The following SUMF1 variants were observed in gnomAD, a reference collection of about 807,000 sequenced individuals.
SUMF1 encodes the protein formylglycine-generating enzyme.
A neutral mutation model predicts 47.6 loss-of-function variants in SUMF1; 48 were observed. The observed-to-expected ratio is 1.01, with a 90% CI of 0.80 to 1.28. SUMF1 has a LOEUF of 1.28. Ranked by LOEUF, SUMF1 falls within the 50% of genes most tolerant of loss-of-function variation. The probability of loss-of-function intolerance (pLI) is 0.00; values close to 1 mark genes in which losing one functional copy is unlikely to be tolerated. For synonymous variants in SUMF1, 230 were observed against 192.1 expected (o/e 1.20, Z -1.63); for missense variants, 571 against 485.4 (o/e 1.18, Z -1.66).
intron 7 of SUMF1, among the ~76,000 whole-genome samples, chr3:4,389,664 T>C (rs1476368296): frequency 6.6e-6 from 1 of 152,198 alleles, no homozygotes; most frequent in Non-Finnish European, 1.5e-5. Context: ...ACTGTTTTCT[T>C]TCCACTGCTC....
Position 4,258,265 on chromosome 3 carries a change from A to T in SUMF1, c.1014+118065T>A, listed in dbSNP as rs1370284911. ...ACAAAAGACAAAATTGACAAATGGG[A>T]TCTAATTAAACTAAAGAGCTTCTGC... On this transcript the variant is annotated intron_variant and NMD_transcript_variant, in intron 8 of 12. Coordinates refer to the SUMF1 transcript ENST00000448413. Among the ~76,000 whole-genome samples, 16 of 148,680 alleles carry T rather than the reference A, an allele frequency of 1.1e-4. No individual in the cohort carries two copies. In the East Asian group the frequency reaches 2.9e-3, roughly 27 times the overall value.
chr3:4,215,922 T>C (rs1040527789), intron 8 of SUMF1, among the ~76,000 whole-genome samples: 1 of 152,188 alleles, frequency 6.6e-6, no homozygotes, highest in Non-Finnish European at 1.5e-5. Context: ...CATTCCATGC[T>C]CATGGATAGG....
In SUMF1 at chr3:4,340,032, C is replaced by G. The variant is rs778452532; in HGVS notation, c.1014+36298G>C. On this transcript the variant is annotated intron_variant and NMD_transcript_variant, in intron 8 of 12. Coordinates refer to the SUMF1 transcript ENST00000448413. ...GGTCGAGGTTGTAGTGAGCCAAGAT[C>G]GCACCACTGCACTCCAGCCTGGGCA... Among the ~76,000 whole-genome samples, 4 of 152,032 alleles carry G rather than the reference C, an allele frequency of 2.6e-5. No homozygotes were observed. The East Asian group carries it at 7.7e-4, about 29-fold the overall frequency.
intron 8 of SUMF1, among the ~76,000 whole-genome samples, chr3:4,245,609 A>G (rs1696646177): frequency 6.6e-6 from 1 of 152,058 alleles, no homozygotes; most frequent in South Asian, 2.1e-4. Flanking sequence ...CTTCCTCTGG[A>G]AGCTTCCTTC....
chr3:4,106,780 A>T (rs544378314), intron 8 of SUMF1, among the ~76,000 whole-genome samples: 1 of 152,198 alleles, frequency 6.6e-6, no homozygotes, highest in African/African-American at 2.4e-5. Context: ...TTAACTGAAG[A>T]TGTCAAACTT....
intron 8 of SUMF1, among the ~76,000 whole-genome samples, chr3:4,371,454 T>C (rs1042437255): frequency 6.6e-6 from 1 of 152,218 alleles, no homozygotes; most frequent in African/African-American, 2.4e-5. Context: ...GAGGGAGACT[T>C]TTTGGTACAA....
intron 7 of SUMF1, among the ~76,000 whole-genome samples, chr3:4,403,563 G>T (rs750815330): frequency 2.6e-4 from 39 of 152,208 alleles, no homozygotes; most frequent in Non-Finnish European, 4.1e-4. Flanking sequence ...CAGGGGAGAC[G>T]CGACAACTGT....
chr3:4,217,207 C>T (rs1695943904), intron 8 of SUMF1, among the ~76,000 whole-genome samples: 1 of 151,786 alleles, frequency 6.6e-6, no homozygotes, highest in South Asian at 2.1e-4. Flanking sequence ...AGTTCATGTC[C>T]TTTGCAGGGA....
At chr3:4,308,456 C>G (rs1270722691) in intron 8 of SUMF1, among the ~76,000 whole-genome samples, 1 of 152,182 alleles carries the variant, frequency 6.6e-6, no homozygotes, top group Non-Finnish European at 1.5e-5. Flanking sequence ...TTAAATATAA[C>G]ATCTAAAAGT....
chr3:4,263,535 G>T (rs760006421), intron 8 of SUMF1, among the ~76,000 whole-genome samples: 1 of 152,134 alleles, frequency 6.6e-6, no homozygotes, highest in African/African-American at 2.4e-5. Flanking sequence ...ACCGAACCAA[G>T]AATGCCACAC....
intron 8 of SUMF1, among the ~76,000 whole-genome samples, chr3:4,257,787 AG>A (rs2125019147): frequency 6.6e-6 from 1 of 152,260 alleles, no homozygotes; most frequent in African/African-American, 2.4e-5. Context: ...GAACCAAAAA[AG>A]AGCCCGTGTG....
chr3:4,354,877 T>C (rs1305063499), intron 8 of SUMF1, among the ~76,000 whole-genome samples: 1 of 152,234 alleles, frequency 6.6e-6, no homozygotes, highest in Non-Finnish European at 1.5e-5. Context: ...CTAAGCACTT[T>C]ATTTTTGCAT....
chr3:4,401,908 G>A (rs747624437), intron 7 of SUMF1, among the ~76,000 whole-genome samples: 4 of 152,132 alleles, frequency 2.6e-5, no homozygotes, highest in African/African-American at 4.8e-5. Flanking sequence ...CCTTTCTTGA[G>A]CACACTGAAG....
chr3:4,085,019 G>A (rs1478653503), intron 8 of SUMF1, among the ~76,000 whole-genome samples: 1 of 152,022 alleles, frequency 6.6e-6, no homozygotes, highest in Admixed American at 6.6e-5. Flanking sequence ...AATAGATGAT[G>A]TCTATCTACT....
intron 7 of SUMF1, among the ~76,000 whole-genome samples, chr3:4,387,873 G>C (rs2124913407): frequency 6.6e-6 from 1 of 152,124 alleles, no homozygotes; most frequent in East Asian, 1.9e-4. Context: ...TGTGTTTGGA[G>C]ATTTTCCTAT....
At chr3:4,287,295 C>T (rs1697651502) in intron 8 of SUMF1, among the ~76,000 whole-genome samples, 1 of 151,950 alleles carries the variant, frequency 6.6e-6, no homozygotes, top group South Asian at 2.1e-4. Context: ...AAGAAAATAA[C>T]CTTTCAGAAA....
intron 8 of SUMF1, among the ~76,000 whole-genome samples, chr3:4,173,663 A>C (rs1219121659): frequency 6.6e-6 from 1 of 152,236 alleles, no homozygotes; most frequent in Non-Finnish European, 1.5e-5. Flanking sequence ...GATTAAAAAA[A>C]TGTGGCACAT....
chr3:4,079,484 A>C (rs1257586594), intron 8 of SUMF1, among the ~76,000 whole-genome samples: 1 of 151,870 alleles, frequency 6.6e-6, no homozygotes, highest in Non-Finnish European at 1.5e-5. Flanking sequence ...CTAGCAGTAC[A>C]GTGTAGCTCT....
chr3:4,282,315 G>T (rs1436941644), intron 8 of SUMF1, among the ~76,000 whole-genome samples: 1 of 152,148 alleles, frequency 6.6e-6, no homozygotes, highest in Non-Finnish European at 1.5e-5. Flanking sequence ...GAAATACCTG[G>T]TTGCTAATAA....
Sources: gnomAD v4.1 joint callset for allele counts (sites outside exome capture counted in the v4.1 genomes callset) on GRCh38, gnomAD v4.1.1 for gene constraint, MANE v1.5 for transcripts, NCBI Gene and HGNC (gene_info 2026-07-23, HGNC 2026-07-21) for gene names.